DPYSL3: variants seen among roughly 807,000 people sequenced by gnomAD.
DPYSL3 encodes the protein dihydropyrimidinase like 3.
DPYSL3 carries 16 observed loss-of-function variants against 66.1 expected under a neutral mutation model. The observed-to-expected ratio is 0.24, with a 90% CI of 0.16 to 0.37. DPYSL3 has a LOEUF of 0.37. Among genes scored for constraint, DPYSL3 ranks in the 10% least tolerant of loss-of-function variants. The pLI is 1.00. For missense variants in DPYSL3, 738 were observed against 916.2 expected (o/e 0.81, Z 2.51); for synonymous variants, 338 against 345.1 (o/e 0.98, Z 0.23).
chr5:147,444,795 G>A (rs1005071183), intron 1 of DPYSL3, among the ~76,000 whole-genome samples: 1 of 152,286 alleles, frequency 6.6e-6, no homozygotes, highest in Non-Finnish European at 1.5e-5. Flanking sequence ...GACAGGTGCA[G>A]TGGGGTAAGA....
chr5:147,425,048 T>C, intron 1 of DPYSL3, 85 bp from the exon 2 acceptor site: 1 of 983,846 alleles, frequency 1.0e-6, no homozygotes, highest in Non-Finnish European at 1.6e-6. Flanking sequence ...AATTCATTGT[T>C]CTAGATGTCT....
intron 1 of DPYSL3, among the ~76,000 whole-genome samples, chr5:147,429,541 C>A (rs13340338): frequency 0.14 from 21,210 of 151,924 alleles, 2,094 homozygotes; most frequent in East Asian, 0.28. Context: ...TACATTTATT[C>A]CATTAATATT....
At chr5:147,508,684 G>A (rs1753715012) in intron 1 of DPYSL3, among the ~76,000 whole-genome samples, 1 of 152,190 alleles carries the variant, frequency 6.6e-6, no homozygotes, top group Non-Finnish European at 1.5e-5. Context: ...TACACATACA[G>A]AAGAAATTGG....
chr5:147,497,556 A>C (rs2126455145), intron 1 of DPYSL3, among the ~76,000 whole-genome samples: 1 of 152,292 alleles, frequency 6.6e-6, no homozygotes, highest in East Asian at 1.9e-4. Context: ...AGCAAGGCTG[A>C]GTTTATCTAG....
intron 11 of DPYSL3, among the ~76,000 whole-genome samples, chr5:147,398,441 G>A (rs73794712): frequency 0.011 from 1,749 of 152,204 alleles, 40 homozygotes; most frequent in African/African-American, 0.04. Flanking sequence ...TCTATAAAAC[G>A]GAGGATAATA....
In DPYSL3 at chr5:147,509,582, C is replaced by T; in HGVS notation, c.277G>A (p.Glu93Lys). ...GDTPRRGQGR[E>K]ESREPAPASP... ...GCGGGCGCGGGCTCCCTGCTCTCTT[C>T]CCGGCCTTGGCCCCTGCGCGGGGTG... The change falls in exon 1 of 14, where the codon GAA becomes AAA. Residue 93 changes from glutamate (E) to lysine (K), a missense_variant. Coordinates refer to ENST00000343218, the MANE Select transcript of DPYSL3 (RefSeq NM_001197294.2). The surrounding 1 kb of genome is among the most constrained non-coding windows in gnomAD (Gnocchi z 5.3). The T allele has an allele frequency of 2.0e-6, 3 of 1,535,422 alleles. No homozygotes were observed. Among genetic ancestry groups the T allele is most frequent in the Non-Finnish European group, 1.7e-6 (2 of 1,146,646 alleles).
At chr5:147,399,379 G>C in intron 10 of DPYSL3, 127 bp from the exon 11 acceptor site, 1 of 1,119,128 alleles carries the variant, frequency 8.9e-7, no homozygotes, top group East Asian at 2.7e-5. Context: ...TGAAAAGCTG[G>C]TGAGCTACAG....
At chr5:147,458,555 C>T (rs1344827905) in intron 1 of DPYSL3, among the ~76,000 whole-genome samples, 2 of 152,208 alleles carry the variant, frequency 1.3e-5, no homozygotes, top group Non-Finnish European at 2.9e-5. Context: ...TCTATGGACT[C>T]ACCCTGAATT....
Position 147,393,922 on chromosome 5 carries a change from A to T in DPYSL3, c.*113T>A. On this transcript the variant is annotated 3_prime_UTR_variant, in exon 14 of 14. Coordinates refer to ENST00000343218, the MANE Select transcript of DPYSL3 (RefSeq NM_001197294.2). ...GAAACATAAGGCTTGAGGCTTATTG[A>T]TTCTTTAGATCACAACCGTTTGGAT... The T allele has an allele frequency of 9.4e-7, 1 of 1,062,536 alleles. No individual in the cohort carries two copies. Among genetic ancestry groups the T allele is most frequent in the Non-Finnish European group, 1.4e-6 (1 of 712,462 alleles). The allele number at this position is 1,062,536 out of a possible 1,614,324, so 65.8% of individuals were successfully genotyped here.
At chr5:147,394,182 T>C (rs1432644378) in intron 13 of DPYSL3, 59 bp from the exon 14 acceptor site, 27 of 1,558,536 alleles carry the variant, frequency 1.7e-5, no homozygotes, top group Non-Finnish European at 2.2e-5. Context: ...GGTAGGGGGA[T>C]GTGGGCAAGA....
At chr5:147,408,659 A>G (rs1751774928) in intron 7 of DPYSL3, 69 bp downstream of exon 7, 1 of 1,537,186 alleles carries the variant, frequency 6.5e-7, no homozygotes, top group Non-Finnish European at 9.0e-7. Context: ...CCTGGTACTC[A>G]CATTCTCGTC....
chr5:147,478,922 T>G (rs114586402), intron 1 of DPYSL3, among the ~76,000 whole-genome samples: 3,192 of 152,250 alleles, frequency 0.021, 119 homozygotes, highest in African/African-American at 0.072. Context: ...GACAAAAACT[T>G]TATTCCATTT....
intron 1 of DPYSL3, among the ~76,000 whole-genome samples, chr5:147,452,789 C>A (rs1581202367): frequency 6.6e-6 from 1 of 152,006 alleles, no homozygotes; most frequent in East Asian, 1.9e-4. Flanking sequence ...ACAGCGTGCG[C>A]CCGCGACAGT....
chr5:147,450,311 C>T (rs974184827), intron 1 of DPYSL3, among the ~76,000 whole-genome samples: 3 of 152,152 alleles, frequency 2.0e-5, no homozygotes, highest in Non-Finnish European at 2.9e-5. Flanking sequence ...AAAATAAACA[C>T]TCAACAGGTA....
At chr5:147,432,524 C>G (rs978187804) in intron 1 of DPYSL3, among the ~76,000 whole-genome samples, 9 of 152,208 alleles carry the variant, frequency 5.9e-5, no homozygotes, top group Non-Finnish European at 1.5e-5. Flanking sequence ...CTAATCCTAG[C>G]TCCCGATAAT....
At chr5:147,460,729 A>G (rs1457704733) in intron 1 of DPYSL3, among the ~76,000 whole-genome samples, 2 of 152,192 alleles carry the variant, frequency 1.3e-5, no homozygotes, top group Non-Finnish European at 2.9e-5. Context: ...AACACTTCGA[A>G]TTTAGCCCCA....
intron 1 of DPYSL3, among the ~76,000 whole-genome samples, chr5:147,466,734 C>A (rs950471358): frequency 2.6e-5 from 4 of 152,158 alleles, no homozygotes; most frequent in Non-Finnish European, 5.9e-5. Context: ...TTGCAGGCTT[C>A]CCCTCCATCT....
At chr5:147,454,250 T>C (rs1485291111) in intron 1 of DPYSL3, 1 of 151,946 alleles carries the variant, frequency 6.6e-6, no homozygotes, top group Non-Finnish European at 1.5e-5. Flanking sequence ...ATGGCGCGGG[T>C]CGAATGCGGC....
At chr5:147,446,719 A>G (rs1297290158) in intron 1 of DPYSL3, among the ~76,000 whole-genome samples, 2 of 152,366 alleles carry the variant, frequency 1.3e-5, no homozygotes, top group African/African-American at 4.8e-5. Flanking sequence ...CCCTGTACTC[A>G]TACATGCTCC....
Sources: gnomAD v4.1 joint callset for allele counts (sites outside exome capture counted in the v4.1 genomes callset) on GRCh38, gnomAD v4.1.1 for gene constraint, Gnocchi (gnomAD v3.1) non-coding constraint, MANE v1.5 for transcripts, NCBI Gene and HGNC (gene_info 2026-07-23, HGNC 2026-07-21) for gene names.